GXYLT1: variants seen among roughly 807,000 people sequenced by gnomAD.
GXYLT1 encodes the protein glucoside xylosyltransferase 1, also known as glycosyltransferase 8 domain containing 3.
GXYLT1 carries 29 observed loss-of-function variants against 54.0 expected under a neutral mutation model. The observed-to-expected ratio is 0.54, with a 90% CI of 0.40 to 0.73. The LOEUF (loss-of-function observed/expected upper bound fraction) is 0.73, where lower values mean the gene tolerates loss of function less well. Among genes scored for constraint, GXYLT1 ranks in the 30% least tolerant of loss-of-function variants. The pLI is 0.00. For missense variants in GXYLT1, 490 were observed against 553.4 expected (o/e 0.89, Z 1.15); for synonymous variants, 176 against 204.1 (o/e 0.86, Z 1.17).
At chr12:42,097,407 AC>A in intron 7 of GXYLT1, 34 bp downstream of exon 7, 1 of 1,494,550 alleles carries the variant, frequency 6.7e-7, no homozygotes, top group South Asian at 1.3e-5. Flanking sequence ...GTATTTTCAA[AC>A]AAAAAGTTAA....
Position 42,109,568 on chromosome 12 carries a change from G to C in GXYLT1, c.610C>G (p.Pro204Ala). 1 of 1,493,070 alleles carries C rather than the reference G, an allele frequency of 6.7e-7. No individual in the cohort carries two copies. The highest frequency in any genetic ancestry group is 8.9e-7 in the Non-Finnish European group (1 of 1,126,124). 92.5% of individuals were successfully genotyped at this position (1,493,070 alleles called of 1,614,324 possible). Reference protein sequence around the residue: ...KPCASQRLFLPLILKEVDSLL... With the variant: ...KPCASQRLFLALILKEVDSLL... The stretch of plus-strand genomic sequence containing the variant: ...AGACACTAGGGGAAAAAACTTACCG[G>C]CAAGAACAATCTCTGCGAAGCACAT... Residue 204 changes from proline to alanine, a missense_variant and splice_region_variant, in exon 4 of 8, where the codon CCG (proline) becomes GCG (alanine). Coordinates refer to ENST00000398675, the MANE Select transcript of GXYLT1 (RefSeq NM_173601.2).
At chr12:42,105,534 T>C (rs2065414003) in intron 5 of GXYLT1, among the ~76,000 whole-genome samples, 1 of 152,176 alleles carries the variant, frequency 6.6e-6, no homozygotes, top group South Asian at 2.1e-4. Flanking sequence ...TAACATCTGC[T>C]TCCTGGAATG....
intron 1 of GXYLT1, among the ~76,000 whole-genome samples, chr12:42,144,084 ACAAGAGGAAATTCT>A (rs1399426781): frequency 6.6e-6 from 1 of 152,208 alleles, no homozygotes; most frequent in Non-Finnish European, 1.5e-5. Flanking sequence ...CTCCACTGAA[ACAAGAGGAAATTCT>A]CACTAGCCAG....
At chr12:42,097,672 A>T (rs2065364076) in intron 6 of GXYLT1, 58 bp from the exon 7 acceptor site, 1 of 1,431,800 alleles carries the variant, frequency 7.0e-7, no homozygotes, top group Non-Finnish European at 9.6e-7. Context: ...CAGATGTAAC[A>T]TTATGCAAAA....
chr12:42,136,785 T>TACATACATACATACAA (rs1375275820), intron 1 of GXYLT1, among the ~76,000 whole-genome samples: 1,977 of 151,378 alleles, frequency 0.013, 14 homozygotes, highest in Non-Finnish European at 0.021. Flanking sequence ...CATACATACA[T>TACATACATACATACAA]ACAAACAAAC....
intron 1 of GXYLT1, among the ~76,000 whole-genome samples, chr12:42,136,111 C>T (rs2065618110): frequency 6.6e-6 from 1 of 152,144 alleles, no homozygotes; most frequent in African/African-American, 2.4e-5. Context: ...AATATCTATT[C>T]TCCCATTTTG....
intron 1 of GXYLT1, among the ~76,000 whole-genome samples, chr12:42,132,172 A>T (rs1440377459): frequency 6.6e-6 from 1 of 152,194 alleles, no homozygotes; most frequent in Non-Finnish European, 1.5e-5. Context: ...CCTGGTCCTC[A>T]GGTCACTTGT....
chr12:42,120,109 T>A (rs1483267307), intron 2 of GXYLT1, among the ~76,000 whole-genome samples: 1 of 152,176 alleles, frequency 6.6e-6, no homozygotes, highest in Non-Finnish European at 1.5e-5. Flanking sequence ...AGGTCTTTCA[T>A]TCAATTTTTT....
At chr12:42,135,209 C>A (rs905175698) in intron 1 of GXYLT1, among the ~76,000 whole-genome samples, 1 of 152,214 alleles carries the variant, frequency 6.6e-6, no homozygotes, top group African/African-American at 2.4e-5. Context: ...TACCACAAGA[C>A]CAGGCATATC....
chr12:42,105,829 T>C lies in GXYLT1; in HGVS notation c.853A>G (p.Lys285Glu), dbSNP rs751732232. ...TATTAGTGACTTACCTTGAAATACT[T>C]CCTTCTCATTCGAGTCATGTTCATC... Reference protein sequence around the residue: ...MLMNMTRMRRKYFKNDMTTVR... With the variant: ...MLMNMTRMRREYFKNDMTTVR... Residue 285 changes from lysine to glutamate, a missense_variant, in exon 5 of 8, where the codon AAG becomes GAG. Transcript: ENST00000398675. 17 of 1,611,334 alleles carry C rather than the reference T, an allele frequency of 1.1e-5. No homozygotes were observed. The highest frequency in any genetic ancestry group is 1.3e-5 in the Non-Finnish European group (15 of 1,178,936).
At chr12:42,090,596 G>A (rs1186530879) in intron 7 of GXYLT1, among the ~76,000 whole-genome samples, 1 of 152,202 alleles carries the variant, frequency 6.6e-6, no homozygotes, top group East Asian at 1.9e-4. Flanking sequence ...ATGAAATAGT[G>A]AAGCTGTGAT....
Position 42,106,046 on chromosome 12 carries a change from T to A in GXYLT1, c.636A>T (p.Ser212=). The A allele has an allele frequency of 7.0e-7, 1 of 1,418,554 alleles. No homozygotes were observed. The highest frequency in any genetic ancestry group is 9.3e-7 in the Non-Finnish European group (1 of 1,073,434). The allele number at this position is 1,418,554 out of a possible 1,614,324, so 87.9% of individuals were successfully genotyped here. ...FLPLILKEVD[S]LLYVDTDILF... is the part of the protein sequence containing the mutation. ...GGATATCAGTGTCGACATACAATAGTGAGTCAACTTCTTTCAGGATTAACT... is the reference window on the plus strand; with the variant it reads ...GGATATCAGTGTCGACATACAATAGAGAGTCAACTTCTTTCAGGATTAACT... Residue 212 remains serine (S), a synonymous_variant, in exon 5 of 8, where the codon TCA becomes TCT. Coordinates refer to ENST00000398675, the MANE Select transcript of GXYLT1 (RefSeq NM_173601.2).
At chr12:42,115,321 G>A (rs1454284663) in intron 3 of GXYLT1, among the ~76,000 whole-genome samples, 2 of 152,152 alleles carry the variant, frequency 1.3e-5, no homozygotes, top group African/African-American at 4.8e-5. Flanking sequence ...CATTCAATTA[G>A]GAAAAGAGGA....
chr12:42,137,483 G>A (rs1467188032), intron 1 of GXYLT1, among the ~76,000 whole-genome samples: 1 of 142,594 alleles, frequency 7.0e-6, no homozygotes, highest in Non-Finnish European at 1.5e-5. Context: ...ACTCCCGCCT[G>A]GGCGACAGAG....
intron 1 of GXYLT1, among the ~76,000 whole-genome samples, chr12:42,143,612 G>A (rs1025282897): frequency 6.6e-6 from 1 of 152,182 alleles, no homozygotes; most frequent in African/African-American, 2.4e-5. Context: ...CATACATAAG[G>A]TGGAAGTGTC....
At chr12:42,116,435 G>GA (rs1352096104) in intron 3 of GXYLT1, among the ~76,000 whole-genome samples, 2 of 151,822 alleles carry the variant, frequency 1.3e-5, no homozygotes, top group Non-Finnish European at 2.9e-5. Context: ...AAATTTACAA[G>GA]AAAAAAACAA....
chr12:42,132,951 G>A (rs1460793051), intron 1 of GXYLT1, among the ~76,000 whole-genome samples: 1 of 152,102 alleles, frequency 6.6e-6, no homozygotes, highest in Non-Finnish European at 1.5e-5. Context: ...GCCAAGTATG[G>A]TGGATTAAGG....
At chr12:42,132,784 G>GTT (rs796817205) in intron 1 of GXYLT1, among the ~76,000 whole-genome samples, 2 of 144,400 alleles carry the variant, frequency 1.4e-5, no homozygotes, top group African/African-American at 5.0e-5. Context: ...TTTTTGTTTT[G>GTT]TTTTTTTTTT....
chr12:42,136,737 T>C (rs1008269767), intron 1 of GXYLT1, among the ~76,000 whole-genome samples: 3 of 151,584 alleles, frequency 2.0e-5, no homozygotes, highest in African/African-American at 7.3e-5. Flanking sequence ...TAAAACCAAT[T>C]ACAGGAGGTT....
Sources: gnomAD v4.1 joint callset for allele counts (sites outside exome capture counted in the v4.1 genomes callset) on GRCh38, gnomAD v4.1.1 for gene constraint, MANE v1.5 for transcripts, NCBI Gene and HGNC (gene_info 2026-07-23, HGNC 2026-07-21) for gene names.